Variants in FCHSD2 observed in about 807,000 individuals in gnomAD.
FCHSD2 encodes F-BAR and double SH3 domains protein 2.
In FCHSD2, 38 loss-of-function variants were observed where a neutral mutation model predicts 108.1. That is an observed-to-expected ratio of 0.35 (90% confidence interval 0.27 to 0.46). The LOEUF is 0.46. Ranked by LOEUF, FCHSD2 falls within the 20% of genes least tolerant of loss-of-function variation. The pLI is 1.00. For synonymous variants in FCHSD2, 279 were observed against 314.7 expected (o/e 0.89, Z 1.20); for missense variants, 751 against 897.8 (o/e 0.84, Z 2.09).
At chr11:72,908,443 T>C (rs1432551444) in intron 9 of FCHSD2, among the ~76,000 whole-genome samples, 1 of 152,260 alleles carries the variant, frequency 6.6e-6, no homozygotes, top group Non-Finnish European at 1.5e-5. Context: ...TTTTAGTTTG[T>C]TGAGGAACTG....
intron 5 of FCHSD2, among the ~76,000 whole-genome samples, chr11:72,992,639 C>A (rs916241476): frequency 6.6e-6 from 1 of 152,008 alleles, no homozygotes; most frequent in Non-Finnish European, 1.5e-5. Flanking sequence ...ACAAACCTGA[C>A]AAAAACAAGA....
intron 3 of FCHSD2, among the ~76,000 whole-genome samples, chr11:73,077,109 A>AG (rs1421245818): frequency 6.6e-6 from 1 of 150,376 alleles, no homozygotes; most frequent in Non-Finnish European, 1.5e-5. Context: ...AAAAAAAAAA[A>AG]AAAAGAAAAA....
intron 8 of FCHSD2, among the ~76,000 whole-genome samples, chr11:72,925,169 T>C (rs1856052358): frequency 6.6e-6 from 1 of 152,180 alleles, no homozygotes; most frequent in African/African-American, 2.4e-5. Context: ...GCTAGCTGTA[T>C]GGGTGCAAGT....
intron 1 of FCHSD2, among the ~76,000 whole-genome samples, chr11:73,141,603 T>C (rs1421086256): frequency 1.3e-5 from 2 of 151,994 alleles, no homozygotes; most frequent in African/African-American, 4.8e-5. Context: ...CACACACAAA[T>C]GCACACCCGA....
intron 8 of FCHSD2, among the ~76,000 whole-genome samples, chr11:72,932,527 T>C (rs561586379): frequency 1.2e-4 from 19 of 152,332 alleles, no homozygotes; most frequent in African/African-American, 4.6e-4. Context: ...GTTTTTGGCT[T>C]CTCCAATACT....
At chr11:72,895,128 G>T (rs923671001) in intron 10 of FCHSD2, among the ~76,000 whole-genome samples, 5 of 152,214 alleles carry the variant, frequency 3.3e-5, no homozygotes, top group Non-Finnish European at 7.3e-5. Flanking sequence ...CACTTGGAAA[G>T]AAGTGGGAAC....
intron 2 of FCHSD2, among the ~76,000 whole-genome samples, chr11:73,110,794 G>A (rs1369418734): frequency 6.6e-6 from 1 of 152,144 alleles, no homozygotes; most frequent in African/African-American, 2.4e-5. Flanking sequence ...CTTGTTTGAT[G>A]TAGGTACTTA....
intron 8 of FCHSD2, among the ~76,000 whole-genome samples, chr11:72,982,637 T>C (rs776794291): frequency 6.6e-6 from 1 of 152,180 alleles, no homozygotes; most frequent in African/African-American, 2.4e-5. Context: ...AGACACATCA[T>C]AGGTGGTATA....
chr11:73,113,109 TAAG>T (rs1369250867), intron 2 of FCHSD2, among the ~76,000 whole-genome samples: 2 of 152,188 alleles, frequency 1.3e-5, no homozygotes, highest in Non-Finnish European at 2.9e-5. Flanking sequence ...ATTCTGCTGT[TAAG>T]AAATTATGAT....
intron 9 of FCHSD2, among the ~76,000 whole-genome samples, chr11:72,915,741 C>A (rs1206631051): frequency 6.6e-6 from 1 of 152,130 alleles, no homozygotes; most frequent in South Asian, 2.1e-4. Flanking sequence ...TCGCTTGAAC[C>A]TGGGAGGCAG....
intron 4 of FCHSD2, among the ~76,000 whole-genome samples, chr11:73,006,943 A>G (rs772422687): frequency 6.6e-6 from 1 of 152,186 alleles, no homozygotes; most frequent in Non-Finnish European, 1.5e-5. Flanking sequence ...TTGCTGACAC[A>G]AGATTGTTCT....
At chr11:73,105,260 TA>T (rs1313437395) in intron 2 of FCHSD2, among the ~76,000 whole-genome samples, 3 of 152,176 alleles carry the variant, frequency 2.0e-5, no homozygotes, top group Non-Finnish European at 2.9e-5. Flanking sequence ...TAATGTGCTA[TA>T]AAAGGTGGTG....
rs1856694159 is a variant in FCHSD2, at chr11:72,955,416, T to C, written c.705+28672A>G. ...CTGGGTGGGCTACCCTCCAGGAGGC[T>C]CCCCGAACCCTGTCCTGGGTTTTTC... On this transcript the variant is annotated intron_variant, in intron 8 of 19. Coordinates refer to ENST00000409418, the MANE Select transcript of FCHSD2 (RefSeq NM_014824.3). Among the ~76,000 whole-genome samples the C allele has an allele frequency of 2.0e-5, 3 of 152,074 alleles. No homozygotes were observed. The South Asian group carries it at 6.2e-4, about 32-fold the overall frequency.
intron 5 of FCHSD2, among the ~76,000 whole-genome samples, chr11:72,998,467 A>C (rs575716506): frequency 3.3e-5 from 5 of 152,230 alleles, no homozygotes; most frequent in Non-Finnish European, 7.4e-5. Flanking sequence ...ACCTGAGCCC[A>C]AGAGGCAGAG....
At chr11:72,995,897 A>C (rs749466926) in intron 5 of FCHSD2, among the ~76,000 whole-genome samples, 5 of 152,142 alleles carry the variant, frequency 3.3e-5, no homozygotes, top group Non-Finnish European at 5.9e-5. Flanking sequence ...TCCTAAGAAA[A>C]AAATTTAAAA....
intron 8 of FCHSD2, among the ~76,000 whole-genome samples, chr11:72,957,527 G>A (rs950391245): frequency 6.6e-6 from 1 of 150,540 alleles, no homozygotes; most frequent in African/African-American, 2.5e-5. Flanking sequence ...TAGATTGAAG[G>A]AGACTAAAGA....
intron 8 of FCHSD2, among the ~76,000 whole-genome samples, chr11:72,979,030 T>C (rs1741416925): frequency 6.6e-6 from 1 of 152,040 alleles, no homozygotes. Context: ...GCTAATTTTT[T>C]GTATTTTTAG....
intron 3 of FCHSD2, among the ~76,000 whole-genome samples, chr11:73,080,503 A>G (rs969635753): frequency 3.9e-5 from 6 of 152,160 alleles, no homozygotes; most frequent in African/African-American, 1.4e-4. Flanking sequence ...TTAGAGTTAC[A>G]AAAGTAACAA....
chr11:72,972,240 C>T (rs1591446730), intron 8 of FCHSD2, among the ~76,000 whole-genome samples: 2 of 152,090 alleles, frequency 1.3e-5, no homozygotes, highest in African/African-American at 4.8e-5. Context: ...TTAGACCTGT[C>T]CACTGAAGGA....
Sources: allele counts gnomAD v4.1 joint callset (sites outside exome capture counted in the v4.1 genomes callset), GRCh38; gene constraint gnomAD v4.1.1; transcripts MANE v1.5; gene names NCBI Gene and HGNC (gene_info 2026-07-23, HGNC 2026-07-21).